The following KIF13B variants were observed in gnomAD, a reference collection of about 807,000 sequenced individuals.
The protein encoded by KIF13B is kinesin family member 13B.
In KIF13B, 127 loss-of-function variants were observed where a neutral mutation model predicts 222.0. The ratio of observed to expected loss-of-function variants is 0.57; its 90% CI spans 0.50 to 0.66. KIF13B has a LOEUF of 0.66. Ranked by LOEUF, KIF13B falls within the 30% of genes least tolerant of loss-of-function variation. The pLI is 0.00. For synonymous variants in KIF13B, 976 were observed against 919.0 expected (o/e 1.06, Z -1.12); for missense variants, 2,173 against 2,379.0 (o/e 0.91, Z 1.80).
chr8:29,115,993 C>T (rs1195012311), intron 31 of KIF13B, among the ~76,000 whole-genome samples: 10 of 152,232 alleles, frequency 6.6e-5, no homozygotes, highest in Admixed American at 4.6e-4. Context: ...ACCTGCACCA[C>T]GTGCTCAGCT....
chr8:29,215,423 CACA>C (rs1251879541), intron 2 of KIF13B, among the ~76,000 whole-genome samples: 1 of 152,126 alleles, frequency 6.6e-6, no homozygotes, highest in African/African-American at 2.4e-5. Flanking sequence ...TGTGGTGGCT[CACA>C]ACTATAATGC....
At chr8:29,208,673 A>C (rs769888927) in intron 2 of KIF13B, among the ~76,000 whole-genome samples, 1 of 152,216 alleles carries the variant, frequency 6.6e-6, no homozygotes, top group Non-Finnish European at 1.5e-5. Flanking sequence ...GTACAACCAG[A>C]GCTCTAATTC....
chr8:29,179,926 C>A (rs1812640921), intron 8 of KIF13B, among the ~76,000 whole-genome samples, 178 bp downstream of exon 8: 1 of 152,162 alleles, frequency 6.6e-6, no homozygotes, highest in Admixed American at 6.5e-5. Flanking sequence ...GAATGACCTG[C>A]TTCCCTACAT....
At chr8:29,128,113 T>A (rs1810196567) in intron 24 of KIF13B, among the ~76,000 whole-genome samples, 1 of 149,326 alleles carries the variant, frequency 6.7e-6, no homozygotes, top group African/African-American at 2.4e-5. Flanking sequence ...TATAATTTAC[T>A]GATATAGCAG....
In KIF13B at chr8:29,167,392, T is replaced by G. The variant is rs1272692789; in HGVS notation, c.1139A>C (p.Glu380Ala). Residue 380 changes from glutamate to alanine, a missense_variant, in exon 11 of 40, where the codon GAG becomes GCG. This residue lies in a region of KIF13B where 1,480 missense variants were observed against 1,722.8 expected (regional missense o/e 0.86). Coordinates refer to ENST00000524189, the MANE Select transcript of KIF13B (RefSeq NM_015254.4). ...TCCTACCTCTGCTTTGGTCAGCTGC[T>G]CCCGGAGTTTCTCAACTTCTTCCCG... The part of the protein sequence containing the change: ...DLREEVEKLR[E>A]QLTKAEAMKS... The G allele has an allele frequency of 1.2e-6, 2 of 1,612,590 alleles. No individual in the cohort carries two copies. The highest frequency in any genetic ancestry group is 2.7e-5 in the African/African-American group (2 of 74,876).
In KIF13B at chr8:29,229,088, T is replaced by TAAAAAAAAAAAAAAAA. The variant is rs370080449; in HGVS notation, c.149+16242_149+16257dup. On this transcript the variant is annotated intron_variant, in intron 2 of 39. Transcript: ENST00000524189. ...TTTCCTAACTCCAGAATGTCAGCTTTAAAAAAAAAAAAAAAAAAAAAAAGC... is the reference window on the plus strand; with the variant it reads ...TTTCCTAACTCCAGAATGTCAGCTTTAAAAAAAAAAAAAAAAAAAAAAAAAAAAAAAAAAAAAAAGC... 5.0e-4 allele frequency among the ~76,000 whole-genome samples: 47 copies of TAAAAAAAAAAAAAAAA among 94,684 alleles called. 1 individual carries two copies. Among genetic ancestry groups the TAAAAAAAAAAAAAAAA allele is most frequent in the South Asian group, 2.7e-3 (6 of 2,232 alleles). 62.1% of individuals were successfully genotyped at this position (94,684 alleles called of 152,430 possible). A position where few individuals can be genotyped will look rare whatever the true frequency, so the allele number is the denominator to read the frequency against.
At chr8:29,096,024 C>G (rs1258331833) in intron 36 of KIF13B, among the ~76,000 whole-genome samples, 1 of 151,308 alleles carries the variant, frequency 6.6e-6, no homozygotes, top group East Asian at 1.9e-4. Context: ...CTCTGTCACC[C>G]AGACTGGAGT....
chr8:29,129,171 C>T (rs1160058108), intron 24 of KIF13B, among the ~76,000 whole-genome samples: 2 of 152,122 alleles, frequency 1.3e-5, no homozygotes, highest in East Asian at 3.8e-4. Flanking sequence ...TCCTGATAAA[C>T]CAACATTTCT....
At position 29,070,404 on chromosome 8, in the gene KIF13B, TG is replaced by T; in HGVS notation, c.*99del. On this transcript the variant is annotated 3_prime_UTR_variant, in exon 40 of 40. Transcript: ENST00000524189. This position sits in a 1 kb window ranked among gnomAD's most constrained non-coding sequence, Gnocchi z 4.1. ...CAAAAAGCATTCATCGCCCTGCCCCTGGGGAAGGGGCCACCGGGCTCCTGGC... is the reference window on the plus strand; with the variant it reads ...CAAAAAGCATTCATCGCCCTGCCCCTGGGAAGGGGCCACCGGGCTCCTGGC... 2 of 1,365,130 alleles carry T rather than the reference TG, an allele frequency of 1.5e-6. No individual in the cohort carries two copies. The highest frequency in any genetic ancestry group is 2.0e-6 in the Non-Finnish European group (2 of 990,736). 84.6% of individuals were successfully genotyped at this position (1,365,130 alleles called of 1,614,324 possible).
At chr8:29,153,334 A>G (rs780053770) in intron 14 of KIF13B, among the ~76,000 whole-genome samples, 1 of 152,236 alleles carries the variant, frequency 6.6e-6, no homozygotes, top group African/African-American at 2.4e-5. Context: ...ATCAGTAATG[A>G]GAAATGAGAC....
intron 22 of KIF13B, among the ~76,000 whole-genome samples, chr8:29,132,977 T>C (rs1264275837): frequency 6.6e-6 from 1 of 152,258 alleles, no homozygotes; most frequent in Non-Finnish European, 1.5e-5. Context: ...GATAGCATAT[T>C]GCAATTAGGA....
intron 35 of KIF13B, among the ~76,000 whole-genome samples, chr8:29,103,440 T>C (rs1808895070): frequency 6.6e-6 from 1 of 152,090 alleles, no homozygotes; most frequent in Non-Finnish European, 1.5e-5. Flanking sequence ...TAAGGTTTCA[T>C]TATACCTAGA....
upstream of KIF13B, chr8:29,263,181 C>A: frequency 1.5e-6 from 1 of 676,512 alleles, no homozygotes; most frequent in Non-Finnish European, 2.4e-6. Context: ...CCGGGCGCTC[C>A]CCGCTGTATG....
Position 29,201,312 on chromosome 8 carries a change from T to G in KIF13B, c.150-5113A>C, listed in dbSNP as rs571162030. Among the ~76,000 whole-genome samples the G allele has an allele frequency of 5.5e-4, 84 of 152,360 alleles. 1 individual carries two copies. Among genetic ancestry groups the G allele is most frequent in the African/African-American group, 1.9e-3 (80 of 41,592 alleles). On this transcript the variant is annotated intron_variant, in intron 2 of 39. Transcript: ENST00000524189. Reference sequence around the variant, plus strand: ...TATGAATAAACTAACCTCTTCCTCCTTTTTACTGATCTGGCTTGTGGGCTC... The same window carrying G: ...TATGAATAAACTAACCTCTTCCTCCGTTTTACTGATCTGGCTTGTGGGCTC...
chr8:29,186,482 T>C lies in KIF13B; in HGVS notation c.317-10A>G, dbSNP rs1341648641. 6.3e-7 allele frequency: 1 copy of C among 1,596,458 alleles called. No individual in the cohort carries two copies. The highest frequency in any genetic ancestry group is 8.5e-7 in the Non-Finnish European group (1 of 1,174,346). ...TAAGATTTTCCAGAGCCTAAAAAAA[T>C]GGAAATCAGAGTTACTATTGTCTCT... On this transcript the variant is annotated splice_polypyrimidine_tract_variant and intron_variant, in intron 5 of 39. Coordinates refer to ENST00000524189, the MANE Select transcript of KIF13B (RefSeq NM_015254.4).
chr8:29,148,018 C>T (rs369425293), intron 16 of KIF13B, among the ~76,000 whole-genome samples: 2 of 152,242 alleles, frequency 1.3e-5, no homozygotes, highest in East Asian at 1.9e-4. Flanking sequence ...GCCGACATGG[C>T]GAAACCTTGT....
chr8:29,182,043 T>C (rs764978376), intron 6 of KIF13B, 37 bp from the exon 7 acceptor site: 195 of 1,523,564 alleles, frequency 1.3e-4, no homozygotes, highest in Non-Finnish European at 1.6e-4. Flanking sequence ...TTTTTAACAA[T>C]AGCCTATTTT....
chr8:29,118,437 G>A (rs1809704537), intron 30 of KIF13B, among the ~76,000 whole-genome samples: 1 of 152,116 alleles, frequency 6.6e-6, no homozygotes, highest in Non-Finnish European at 1.5e-5. Context: ...AGAGGCTGCA[G>A]TGAGCCAAGA....
intron 6 of KIF13B, 144 bp downstream of exon 6, chr8:29,186,148 A>G: frequency 1.6e-6 from 1 of 637,174 alleles, no homozygotes; most frequent in Non-Finnish European, 2.7e-6. Context: ...TTCAAGGCTG[A>G]AGTAAGCTAT....
Sources: gnomAD v4.1 joint callset for allele counts (sites outside exome capture counted in the v4.1 genomes callset) on GRCh38, gnomAD v4.1.1 for gene constraint, gnomAD v4.1.1 regional missense constraint, Gnocchi (gnomAD v3.1) non-coding constraint, MANE v1.5 for transcripts, NCBI Gene and HGNC (gene_info 2026-07-23, HGNC 2026-07-21) for gene names.